Variants in SIPA1L2 observed in about 807,000 individuals in gnomAD.
SIPA1L2 encodes signal-induced proliferation-associated 1-like protein 2.
SIPA1L2 carries 56 observed loss-of-function variants against 163.9 expected under a neutral mutation model. The ratio of observed to expected loss-of-function variants is 0.34; its 90% confidence interval spans 0.28 to 0.43. SIPA1L2 has a LOEUF of 0.43. Among genes scored for constraint, SIPA1L2 ranks in the 20% least tolerant of loss-of-function variants. The probability of loss-of-function intolerance (pLI) is 1.00; values close to 1 mark genes in which losing one functional copy is unlikely to be tolerated. For missense variants in SIPA1L2, 1,974 were observed against 2,193.5 expected (o/e 0.90, Z 2.00); for synonymous variants, 877 against 865.7 (o/e 1.01, Z -0.23).
At chr1:232,493,354 A>G (rs1666027471) in intron 4 of SIPA1L2, among the ~76,000 whole-genome samples, 173 bp downstream of exon 4, 2 of 152,304 alleles carry the variant, frequency 1.3e-5, no homozygotes, top group Admixed American at 6.5e-5. Flanking sequence ...GCATGTTTCC[A>G]AATTTTTCAT....
chr1:232,459,939 A>G (rs928142590), intron 10 of SIPA1L2, among the ~76,000 whole-genome samples: 7 of 152,196 alleles, frequency 4.6e-5, no homozygotes, highest in Non-Finnish European at 8.8e-5. Context: ...TAATAATCCC[A>G]TCTTACAGAG....
In SIPA1L2 at chr1:232,627,024, G is replaced by T. The variant is rs139114947; in HGVS notation, c.-319+2845C>A. Among the ~76,000 whole-genome samples, 623 of 151,662 alleles carry T rather than the reference G, an allele frequency of 4.1e-3. 3 individuals are homozygous for T. Among genetic ancestry groups the T allele is most frequent in the African/African-American group, 0.014 (582 of 41,344 alleles). ...TCACTATTCTCTAGGACTGTACTTTGTATTTCATTGAAGTTCAAAACAGAA... is the reference window on the plus strand; with the variant it reads ...TCACTATTCTCTAGGACTGTACTTTTTATTTCATTGAAGTTCAAAACAGAA... On this transcript the variant is annotated intron_variant, in intron 1 of 22. Coordinates refer to ENST00000674635, the MANE Select transcript of SIPA1L2 (RefSeq NM_020808.5).
intron 1 of SIPA1L2, among the ~76,000 whole-genome samples, chr1:232,587,588 C>T (rs1024095489): frequency 6.6e-6 from 1 of 152,196 alleles, no homozygotes; most frequent in African/African-American, 2.4e-5. Context: ...TACCTTACTA[C>T]ACAGCAAGGC....
chr1:232,562,927 G>A (rs1659129568), intron 2 of SIPA1L2, among the ~76,000 whole-genome samples: 1 of 152,208 alleles, frequency 6.6e-6, no homozygotes, highest in African/African-American at 2.4e-5. Context: ...GCTGTGTCGA[G>A]AGAACCCAGG....
intron 1 of SIPA1L2, among the ~76,000 whole-genome samples, chr1:232,626,915 C>T (rs1663106691): frequency 6.6e-6 from 1 of 152,120 alleles, no homozygotes; most frequent in South Asian, 2.1e-4. Flanking sequence ...GCTCAAGGTT[C>T]CTGTCTGTGC....
At chr1:232,423,981 GA>G (rs1661728208) in intron 18 of SIPA1L2, among the ~76,000 whole-genome samples, 1 of 152,302 alleles carries the variant, frequency 6.6e-6, no homozygotes, top group Admixed American at 6.5e-5. Context: ...AGCTAGAGGG[GA>G]GGGAGGGATG....
At chr1:232,580,201 T>C (rs1306810822) in intron 1 of SIPA1L2, among the ~76,000 whole-genome samples, 1 of 152,198 alleles carries the variant, frequency 6.6e-6, no homozygotes, top group African/African-American at 2.4e-5. Flanking sequence ...GGTGTTGCCA[T>C]GGCATTTGTA....
intron 9 of SIPA1L2, among the ~76,000 whole-genome samples, chr1:232,461,802 A>T (rs1008642570): frequency 1.3e-5 from 2 of 152,230 alleles, no homozygotes; most frequent in African/African-American, 4.8e-5. Flanking sequence ...CCCTAGGGAC[A>T]TACTGTGGAG....
chr1:232,400,498 G>A (rs996712070), intron 22 of SIPA1L2, among the ~76,000 whole-genome samples: 6 of 152,008 alleles, frequency 3.9e-5, no homozygotes, highest in African/African-American at 1.2e-4. Context: ...TATGGGGGTC[G>A]GGCAGGCAGA....
intron 1 of SIPA1L2, among the ~76,000 whole-genome samples, chr1:232,624,634 T>C (rs979219928): frequency 6.6e-6 from 1 of 152,252 alleles, no homozygotes; most frequent in South Asian, 2.1e-4. Context: ...AACTACCAGA[T>C]AGCTTACTTC....
At chr1:232,421,528 G>A (rs1429298060) in intron 18 of SIPA1L2, among the ~76,000 whole-genome samples, 2 of 151,964 alleles carry the variant, frequency 1.3e-5, no homozygotes, top group Non-Finnish European at 2.9e-5. Context: ...GAGGACATTT[G>A]AAAAAAGAGA....
In SIPA1L2 at chr1:232,465,331, G is replaced by T; in HGVS notation, c.2329C>A (p.Arg777=). ...GVTFPKSAVF[R]DFLLAKVINA... is the part of the protein sequence containing the mutation. The stretch of plus-strand genomic sequence containing the variant: ...ATTACTTTGGCTAAAAGGAAGTCCC[G>T]GAACACGGCTGACTTTGGAAAAGTT... The change falls in exon 9 of 23, where the codon CGG becomes AGG. Residue 777 remains arginine, a synonymous_variant. Transcript: ENST00000674635. This position sits in a 1 kb window ranked among gnomAD's most constrained non-coding sequence, Gnocchi z 4.1. 1 of 1,614,146 alleles carries T rather than the reference G, an allele frequency of 6.2e-7. No individual in the cohort carries two copies. Among genetic ancestry groups the T allele is most frequent in the Non-Finnish European group, 8.5e-7 (1 of 1,180,026 alleles).
intron 3 of SIPA1L2, among the ~76,000 whole-genome samples, chr1:232,509,576 C>T (rs991736561): frequency 2.0e-5 from 3 of 152,198 alleles, no homozygotes; most frequent in East Asian, 1.9e-4. Context: ...ATGAAGCTCA[C>T]CCAACTCATG....
chr1:232,547,354 G>C (rs534102629), intron 2 of SIPA1L2, among the ~76,000 whole-genome samples: 2 of 151,458 alleles, frequency 1.3e-5, no homozygotes, highest in Admixed American at 6.6e-5. Context: ...ATATGGGAAC[G>C]CAACCCTCAC....
At chr1:232,583,590 G>C (rs1056962263) in intron 1 of SIPA1L2, among the ~76,000 whole-genome samples, 3 of 152,066 alleles carry the variant, frequency 2.0e-5, no homozygotes, top group African/African-American at 7.2e-5. Flanking sequence ...TTTCAAGACT[G>C]GGGAATTCTA....
rs1351049370 is a variant in SIPA1L2, at chr1:232,462,164, C to T, written c.2821-1003G>A. On this transcript the variant is annotated intron_variant, in intron 9 of 22. Transcript: ENST00000674635. ...GCATCCCACTTGGTACATTAAAGCA[C>T]CACTAATGCAGCCCTCAAAAGCACT... The T allele has an allele frequency of 3.5e-6, 5 of 1,442,914 alleles. No homozygotes were observed. In the Admixed American group the frequency reaches 5.9e-5, roughly 17 times the overall value. The allele number at this position is 1,442,914 out of a possible 1,614,324, so 89.4% of individuals were successfully genotyped here.
chr1:232,489,264 A>G (rs551700499), intron 5 of SIPA1L2, among the ~76,000 whole-genome samples: 4 of 152,324 alleles, frequency 2.6e-5, no homozygotes, highest in East Asian at 1.9e-4. Flanking sequence ...AATGAATGCT[A>G]TTCTTCTCAT....
intron 2 of SIPA1L2, among the ~76,000 whole-genome samples, chr1:232,551,007 A>T (rs984829895): frequency 6.6e-6 from 1 of 152,112 alleles, no homozygotes; most frequent in African/African-American, 2.4e-5. Flanking sequence ...GGAAAACAGC[A>T]AAGACTGGAA....
intron 5 of SIPA1L2, 140 bp from the exon 6 acceptor site, chr1:232,484,106 T>C: frequency 1.4e-6 from 1 of 704,896 alleles, no homozygotes; most frequent in Non-Finnish European, 2.3e-6. Flanking sequence ...AGCAAAAGAG[T>C]AGGCAACTGC....
Sources: gnomAD v4.1 joint callset for allele counts (sites outside exome capture counted in the v4.1 genomes callset) on GRCh38, gnomAD v4.1.1 for gene constraint, Gnocchi (gnomAD v3.1) non-coding constraint, MANE v1.5 for transcripts, NCBI Gene and HGNC (gene_info 2026-07-23, HGNC 2026-07-21) for gene names.